The following PID1 variants were observed in gnomAD, a reference collection of about 807,000 sequenced individuals.
PID1 encodes the protein phosphotyrosine interaction domain containing 1.
A neutral mutation model predicts 19.1 loss-of-function variants in PID1; 10 were observed. That is an observed-to-expected ratio of 0.52 (90% CI 0.32 to 0.89). The LOEUF (loss-of-function observed/expected upper bound fraction) is 0.89. Ranked by LOEUF, PID1 falls within the 40% of genes least tolerant of loss-of-function variation. The pLI is 0.03. For synonymous variants in PID1, 130 were observed against 116.0 expected (o/e 1.12, Z -0.78); for missense variants, 248 against 285.3 (o/e 0.87, Z 0.94).
At chr2:229,237,966 T>C (rs1323785475) in intron 1 of PID1, among the ~76,000 whole-genome samples, 1 of 152,210 alleles carries the variant, frequency 6.6e-6, no homozygotes, top group South Asian at 2.1e-4. Flanking sequence ...CTAAATGAAA[T>C]CTACATGGTA....
At chr2:229,067,203 T>C (rs1016263635) in intron 2 of PID1, among the ~76,000 whole-genome samples, 1 of 152,136 alleles carries the variant, frequency 6.6e-6, no homozygotes, top group Non-Finnish European at 1.5e-5. Flanking sequence ...GAGAACAGCA[T>C]GGGGGTAACT....
chr2:229,103,898 AG>A (rs1695122509), intron 2 of PID1, among the ~76,000 whole-genome samples: 1 of 152,152 alleles, frequency 6.6e-6, no homozygotes, highest in African/African-American at 2.4e-5. Flanking sequence ...TCACAAACCC[AG>A]GAATTCTCCA....
chr2:229,043,971 C>A (rs956672276), intron 2 of PID1, among the ~76,000 whole-genome samples: 5 of 152,222 alleles, frequency 3.3e-5, no homozygotes, highest in African/African-American at 7.2e-5. Flanking sequence ...TATCTGAATT[C>A]TCTGGGCCCC....
At chr2:229,177,369 T>C (rs1308279300) in intron 1 of PID1, among the ~76,000 whole-genome samples, 1 of 152,194 alleles carries the variant, frequency 6.6e-6, no homozygotes, top group African/African-American at 2.4e-5. Flanking sequence ...GTAGAACAGG[T>C]AGCCCAGGTC....
chr2:229,113,703 G>A (rs568186408), intron 2 of PID1, among the ~76,000 whole-genome samples: 1 of 151,642 alleles, frequency 6.6e-6, no homozygotes, highest in Admixed American at 6.6e-5. Flanking sequence ...ATAATGGGCT[G>A]AGATTCAAAC....
At chr2:229,253,031 C>A (rs1690195783) in intron 1 of PID1, among the ~76,000 whole-genome samples, 1 of 152,188 alleles carries the variant, frequency 6.6e-6, no homozygotes, top group African/African-American at 2.4e-5. Flanking sequence ...GAACTATATT[C>A]TCTACCCAGA....
At chr2:229,032,314 ATGAG>A (rs1166410795) in intron 2 of PID1, among the ~76,000 whole-genome samples, 3 of 152,180 alleles carry the variant, frequency 2.0e-5, no homozygotes, top group African/African-American at 7.2e-5. Context: ...CATCCTCCTT[ATGAG>A]TAAGAACACA....
At chr2:229,037,621 C>A (rs1261447288) in intron 2 of PID1, among the ~76,000 whole-genome samples, 2 of 152,180 alleles carry the variant, frequency 1.3e-5, no homozygotes, top group East Asian at 1.9e-4. Flanking sequence ...CCCCTGAAGA[C>A]AAAGTCACTT....
At chr2:229,109,723 A>C (rs1462120180) in intron 2 of PID1, among the ~76,000 whole-genome samples, 1 of 152,224 alleles carries the variant, frequency 6.6e-6, no homozygotes. Flanking sequence ...GCATGCATCC[A>C]AAAGAAATCG....
rs564606326 is a variant in PID1, at chr2:229,188,333, A to T, written c.31-32369T>A. On this transcript the variant is annotated intron_variant, in intron 1 of 2. Transcript: ENST00000392055. ...CATTTGCTTCTCCCCTGAAAAAAAA[A>T]TTAAAAAAGGAAAAGGCAGAGAAAG... is the stretch of plus-strand genomic sequence containing the variant. 4.6e-5 allele frequency among the ~76,000 whole-genome samples: 7 copies of T among 152,246 alleles called. No homozygotes were observed. The South Asian group carries it at 1.5e-3, about 32-fold the overall frequency.
chr2:229,255,947 G>A (rs558788600), intron 1 of PID1, among the ~76,000 whole-genome samples: 273 of 152,326 alleles, frequency 1.8e-3, no homozygotes, highest in African/African-American at 5.6e-3. Context: ...GGTGGGCTGC[G>A]AGAGCTGTAC....
At chr2:229,269,595 T>A (rs1690681418) in intron 1 of PID1, among the ~76,000 whole-genome samples, 1 of 152,200 alleles carries the variant, frequency 6.6e-6, no homozygotes, top group African/African-American at 2.4e-5. Flanking sequence ...ATCATTCTGC[T>A]CCTTTGGAAT....
chr2:229,029,238 TA>T (rs1480585939), intron 2 of PID1, among the ~76,000 whole-genome samples: 1 of 142,092 alleles, frequency 7.0e-6, no homozygotes, highest in African/African-American at 2.6e-5. Flanking sequence ...AAAAAAGCTT[TA>T]AAAAAATAAA....
At chr2:229,244,537 A>G (rs1047895526) in intron 1 of PID1, among the ~76,000 whole-genome samples, 3 of 152,290 alleles carry the variant, frequency 2.0e-5, no homozygotes, top group South Asian at 2.1e-4. Flanking sequence ...GAGAGATTCA[A>G]TCCTTTAAAA....
At chr2:229,102,619 G>A (rs1353916996) in intron 2 of PID1, among the ~76,000 whole-genome samples, 1 of 152,196 alleles carries the variant, frequency 6.6e-6, no homozygotes, top group Non-Finnish European at 1.5e-5. Flanking sequence ...AACTTGGCAG[G>A]GAGATGTTTG....
intron 1 of PID1, among the ~76,000 whole-genome samples, chr2:229,235,519 GT>G (rs1652406282): frequency 6.6e-6 from 1 of 151,958 alleles, no homozygotes. Flanking sequence ...TTAGAAATCT[GT>G]TTAAGATTTA....
At chr2:229,133,976 T>C (rs1049436578) in intron 2 of PID1, among the ~76,000 whole-genome samples, 1 of 151,474 alleles carries the variant, frequency 6.6e-6, no homozygotes, top group Non-Finnish European at 1.5e-5. Context: ...GAAGGATACA[T>C]TGTAAAAATT....
chr2:229,064,833 A>G (rs1694286431), intron 2 of PID1, among the ~76,000 whole-genome samples: 1 of 152,096 alleles, frequency 6.6e-6, no homozygotes, highest in African/African-American at 2.4e-5. Context: ...AATGAAACCT[A>G]CTTGTCTCGG....
At chr2:229,222,216 C>T (rs1691984861) in intron 1 of PID1, among the ~76,000 whole-genome samples, 1 of 152,156 alleles carries the variant, frequency 6.6e-6, no homozygotes, top group Admixed American at 6.5e-5. Context: ...CCTTCATGCA[C>T]CCAGAACTCC....
Sources: allele counts gnomAD v4.1 joint callset (sites outside exome capture counted in the v4.1 genomes callset), GRCh38; gene constraint gnomAD v4.1.1; transcripts MANE v1.5; gene names NCBI Gene and HGNC (gene_info 2026-07-23, HGNC 2026-07-21).